Variants in VSTM1 observed in about 807,000 individuals in gnomAD.
VSTM1 encodes the protein V-set and transmembrane domain-containing protein 1.
In VSTM1, 27 loss-of-function variants were observed where a neutral mutation model predicts 33.1. That is an observed-to-expected ratio of 0.82 (90% confidence interval 0.60 to 1.12). The LOEUF (loss-of-function observed/expected upper bound fraction) is 1.12, where lower values mean the gene tolerates loss of function less well. Among genes scored for constraint, VSTM1 ranks in the 50% most tolerant of loss-of-function variants. VSTM1 has a pLI of 0.00. For missense variants in VSTM1, 304 were observed against 288.9 expected, an observed-to-expected ratio of 1.05 and a Z score of -0.38; for synonymous variants, 115 against 110.3, an observed-to-expected ratio of 1.04 and a Z score of -0.27.
intron 4 of VSTM1, among the ~76,000 whole-genome samples, chr19:54,049,685 G>A (rs528147621): frequency 1.3e-5 from 2 of 152,184 alleles, no homozygotes; most frequent in African/African-American, 2.4e-5. Flanking sequence ...GACGTGAATT[G>A]TGTTCGTAGT....
chr19:54,058,216 G>A, intron 3 of VSTM1, 90 bp downstream of exon 3: 1 of 1,376,810 alleles, frequency 7.3e-7, no homozygotes, highest in Non-Finnish European at 9.9e-7. Context: ...CTCCAGCCTG[G>A]GAGACACAGC....
chr19:54,047,131 G>A (rs1440260762), intron 4 of VSTM1, among the ~76,000 whole-genome samples: 1 of 152,014 alleles, frequency 6.6e-6, no homozygotes, highest in Non-Finnish European at 1.5e-5. Flanking sequence ...GTAGGCGGAG[G>A]TTGCAGTGAG....
At chr19:54,045,672 TTAATC>T (rs1304856794) in intron 4 of VSTM1, among the ~76,000 whole-genome samples, 5 of 152,174 alleles carry the variant, frequency 3.3e-5, no homozygotes, top group South Asian at 2.1e-4. Flanking sequence ...TATTATCTAT[TTAATC>T]TATTCTATCT....
At chr19:54,047,576 C>T (rs10414749) in intron 4 of VSTM1, among the ~76,000 whole-genome samples, 27,797 of 152,038 alleles carry the variant, frequency 0.18, 3,106 homozygotes, top group African/African-American at 0.31. Context: ...TTACATAAGC[C>T]ACCATGCCTG....
chr19:54,045,761 A>G (rs2070548760), intron 4 of VSTM1, among the ~76,000 whole-genome samples: 1 of 152,062 alleles, frequency 6.6e-6, no homozygotes, highest in Non-Finnish European at 1.5e-5. Flanking sequence ...CTAGGTATCT[A>G]TGTATCTATC....
chr19:54,046,110 G>A (rs1440312779), intron 4 of VSTM1, among the ~76,000 whole-genome samples: 9 of 151,614 alleles, frequency 5.9e-5, no homozygotes, highest in Non-Finnish European at 8.8e-5. Flanking sequence ...TCTGTCCATC[G>A]TATCTAGCTA....
At chr19:54,063,638 C>G (rs2071505949) in intron 1 of VSTM1, 106 bp downstream of exon 1, 3 of 1,418,594 alleles carry the variant, frequency 2.1e-6, no homozygotes, top group Non-Finnish European at 3.0e-6. Context: ...GTGTGCAACA[C>G]CTGGAAGTCA....
chr19:54,058,513 G>C lies in VSTM1; in HGVS notation c.148C>G (p.Gln50Glu), dbSNP rs762525319. ...AATGTCACATTCTGGGAATGAGCCT[G>C]ACACTTCAGGGTCACATTGCTCTCG... ...EAESNVTLKC[Q>E]AHSQNVTFVL... Residue 50 changes from glutamine (Q) to glutamate (E), a missense_variant, in exon 3 of 9, where the codon CAG (glutamine) becomes GAG (glutamate). Coordinates refer to ENST00000338372, the MANE Select transcript of VSTM1 (RefSeq NM_198481.4). The C allele has an allele frequency of 6.2e-7, 1 of 1,614,084 alleles. No homozygotes were observed. Among genetic ancestry groups the C allele is most frequent in the Non-Finnish European group, 8.5e-7 (1 of 1,180,022 alleles).
chr19:54,061,547 G>C (rs1464628691), intron 1 of VSTM1, among the ~76,000 whole-genome samples: 2 of 152,136 alleles, frequency 1.3e-5, no homozygotes, highest in African/African-American at 4.8e-5. Context: ...AGGCAGAGAG[G>C]CCAGGCTGCA....
intron 1 of VSTM1, among the ~76,000 whole-genome samples, chr19:54,062,150 G>T (rs559644611): frequency 7.7e-6 from 1 of 130,556 alleles, no homozygotes; most frequent in Admixed American, 7.8e-5. Context: ...GCAAGACTCC[G>T]CCTCAAGAAA....
chr19:54,061,733 G>C (rs1473788331), intron 1 of VSTM1, among the ~76,000 whole-genome samples: 4 of 152,084 alleles, frequency 2.6e-5, no homozygotes, highest in Non-Finnish European at 5.9e-5. Context: ...AGGACTGCTT[G>C]AGCTCAGGAG....
At chr19:54,062,294 A>T (rs192390798) in intron 1 of VSTM1, among the ~76,000 whole-genome samples, 1 of 152,296 alleles carries the variant, frequency 6.6e-6, no homozygotes, top group Non-Finnish European at 1.5e-5. Flanking sequence ...ACTTAAAGCA[A>T]TTCTAATTCC....
At chr19:54,058,117 G>A (rs1346410359) in intron 3 of VSTM1, among the ~76,000 whole-genome samples, 189 bp downstream of exon 3, 3 of 151,484 alleles carry the variant, frequency 2.0e-5, no homozygotes, top group Admixed American at 6.6e-5. Flanking sequence ...GCGGGCGCCT[G>A]TAGTCCCAGC....
chr19:54,042,376 G>T lies in VSTM1; in HGVS notation c.395-7C>A, dbSNP rs755689564. 1.6e-5 allele frequency: 25 copies of T among 1,612,616 alleles called. No individual in the cohort carries two copies. Among genetic ancestry groups the T allele is most frequent in the Non-Finnish European group, 1.9e-5 (23 of 1,179,606 alleles). On this transcript the variant is annotated splice_region_variant and splice_polypyrimidine_tract_variant and intron_variant, in intron 4 of 8. Transcript: ENST00000338372. ...ACAAAGATGGTTCTGGTGTCTGGAG[G>T]GGGAAGAGCAGGTCAGGGAATCAGC...
At chr19:54,059,477 T>G (rs1245806942) in intron 1 of VSTM1, among the ~76,000 whole-genome samples, 6 of 152,184 alleles carry the variant, frequency 3.9e-5, no homozygotes, top group African/African-American at 1.4e-4. Flanking sequence ...CAGTGTTTTG[T>G]TTTGTTTTGA....
chr19:54,059,933 T>C (rs184490089), intron 1 of VSTM1, among the ~76,000 whole-genome samples: 2,393 of 151,324 alleles, frequency 0.016, 30 homozygotes, highest in Non-Finnish European at 0.023. Flanking sequence ...CCGCAAGCTC[T>C]GCCTCCCGGG....
rs776247493 is a variant in VSTM1, at chr19:54,042,214, G to A, written c.488-18C>T. The A allele has an allele frequency of 6.8e-6, 11 of 1,614,016 alleles. No homozygotes were observed. The highest frequency in any genetic ancestry group is 8.5e-6 in the Non-Finnish European group (10 of 1,179,970). On this transcript the variant is annotated intron_variant, in intron 5 of 8. Transcript: ENST00000338372. ...TGATGAACCTACAAAAAATGCAGGA[G>A]GAATTTACCTACCGAGAAAATCCTT...
chr19:54,058,507 G>A lies in VSTM1; in HGVS notation c.154C>T (p.His52Tyr), dbSNP rs2071222602. ...ESNVTLKCQA[H>Y]SQNVTFVLRK... ...AGCACAAATGTCACATTCTGGGAAT[G>A]AGCCTGACACTTCAGGGTCACATTG... Residue 52 changes from histidine to tyrosine, a missense_variant, in exon 3 of 9, where the codon CAT becomes TAT. Transcript: ENST00000338372. 3 of 1,613,938 alleles carry A rather than the reference G, an allele frequency of 1.9e-6. No homozygotes were observed. The highest frequency in any genetic ancestry group is 1.1e-5 in the South Asian group (1 of 91,058).
intron 4 of VSTM1, among the ~76,000 whole-genome samples, chr19:54,044,743 C>T (rs952702309): frequency 6.6e-6 from 1 of 152,180 alleles, no homozygotes; most frequent in Admixed American, 6.5e-5. Flanking sequence ...GCATGCATTC[C>T]CGTGTGACTC....
Sources: gnomAD v4.1 joint callset for allele counts (sites outside exome capture counted in the v4.1 genomes callset) on GRCh38, gnomAD v4.1.1 for gene constraint, MANE v1.5 for transcripts, NCBI Gene and HGNC (gene_info 2026-07-23, HGNC 2026-07-21) for gene names.